The following MCTP2 variants were observed in gnomAD, a reference collection of about 807,000 sequenced individuals.
MCTP2 encodes the protein multiple C2 and transmembrane domain-containing protein 2.
MCTP2 carries 132 observed loss-of-function variants against 111.6 expected under a neutral mutation model. The observed-to-expected ratio is 1.18, with a 90% CI of 1.03 to 1.37. The LOEUF (loss-of-function observed/expected upper bound fraction) is 1.37, where lower values mean the gene tolerates loss of function less well. MCTP2 is among the 40% of genes most tolerant of loss of function. The pLI is 0.00. For missense variants in MCTP2, 1,183 were observed against 1,067.9 expected, an observed-to-expected ratio of 1.11 and a Z score of -1.50; for synonymous variants, 395 against 387.7, an observed-to-expected ratio of 1.02 and a Z score of -0.22.
intron 17 of MCTP2, among the ~76,000 whole-genome samples, chr15:94,427,370 G>C (rs2082945009): frequency 6.6e-6 from 1 of 152,180 alleles, no homozygotes; most frequent in African/African-American, 2.4e-5. Context: ...AAGAGGTTTA[G>C]TGAACTCACA....
At chr15:94,381,777 C>A (rs147316651) in intron 12 of MCTP2, among the ~76,000 whole-genome samples, 1 of 152,338 alleles carries the variant, frequency 6.6e-6, no homozygotes, top group East Asian at 1.9e-4. Flanking sequence ...TTCACAGTTG[C>A]TGAAGAGGAA....
At position 94,356,207 on chromosome 15, in the gene MCTP2, G is replaced by A. The variant is rs577503539; in HGVS notation, c.1076G>A (p.Ser359Asn). Residue 359 changes from serine (S) to asparagine (N), a missense_variant, in exon 9 of 23, where the codon AGT (serine) becomes AAT (asparagine). Ser to Asn is a conservative substitution (Grantham distance 46, BLOSUM62 1). Coordinates refer to ENST00000357742, the MANE Select transcript of MCTP2 (RefSeq NM_001385001.1). ...AACCAACTCTGGAACGGGATTATAAGTATAACTTTGTTGGAAGGGAAGAAT... is the reference window on the plus strand; with the variant it reads ...AACCAACTCTGGAACGGGATTATAAATATAACTTTGTTGGAAGGGAAGAAT... Reference protein sequence around the residue: ...KKNQLWNGIISITLLEGKNVS... With the variant: ...KKNQLWNGIINITLLEGKNVS... 6.2e-7 allele frequency: 1 copy of A among 1,613,548 alleles called. No individual in the cohort carries two copies. Among genetic ancestry groups the A allele is most frequent in the South Asian group, 1.1e-5 (1 of 91,002 alleles).
intron 20 of MCTP2, among the ~76,000 whole-genome samples, chr15:94,466,221 C>T (rs971495288): frequency 1.3e-5 from 2 of 152,008 alleles, no homozygotes; most frequent in Non-Finnish European, 2.9e-5. Context: ...TATCTGAAAT[C>T]TTTTCTTTCA....
rs957188756 is a variant in MCTP2, at chr15:94,416,402, A to G, written c.2085+14383A>G. On this transcript the variant is annotated intron_variant, in intron 17 of 22. Transcript: ENST00000357742. The stretch of plus-strand genomic sequence containing the variant: ...TGAAGACTCTGAGCAGATGACGGGA[A>G]CAATTGCTGGAGGGGGAAAACACAT... 4.6e-5 allele frequency among the ~76,000 whole-genome samples: 7 copies of G among 152,144 alleles called. No homozygotes were observed. In the South Asian group the frequency reaches 1.4e-3, roughly 32 times the overall value.
intron 4 of MCTP2, among the ~76,000 whole-genome samples, chr15:94,319,219 C>T (rs1012685996): frequency 1.3e-5 from 2 of 152,160 alleles, no homozygotes; most frequent in African/African-American, 4.8e-5. Context: ...TGAGCCTGCT[C>T]AGGGCAAGAC....
Position 94,271,133 on chromosome 15 carries a change from G to T in MCTP2, c.-65-27068G>T, listed in dbSNP as rs1596236502. On this transcript the variant is annotated intron_variant, in intron 1 of 22. Coordinates refer to ENST00000357742, the MANE Select transcript of MCTP2 (RefSeq NM_001385001.1). ...ATTTGTGTGTATGTATGTGAGACGA[G>T]AGTGTGTGTGCATAAAAAAGTTATC... is the stretch of plus-strand genomic sequence containing the variant. Among the ~76,000 whole-genome samples, 5 of 152,298 alleles carry T rather than the reference G, an allele frequency of 3.3e-5. No homozygotes were observed. The South Asian group carries it at 1.0e-3, about 32-fold the overall frequency.
chr15:94,376,922 T>TTTG (rs555124937), intron 12 of MCTP2, among the ~76,000 whole-genome samples: 1 of 152,212 alleles, frequency 6.6e-6, no homozygotes, highest in East Asian at 1.9e-4. Flanking sequence ...TGTTCATCTT[T>TTTG]TTGTTGTTGT....
chr15:94,325,317 A>G (rs1295669768), intron 4 of MCTP2, among the ~76,000 whole-genome samples: 1 of 152,174 alleles, frequency 6.6e-6, no homozygotes, highest in Non-Finnish European at 1.5e-5. Context: ...TATGCAATAA[A>G]CATTAGCTGT....
intron 1 of MCTP2, among the ~76,000 whole-genome samples, chr15:94,247,532 G>A (rs2072102687): frequency 1.3e-5 from 2 of 152,022 alleles, no homozygotes; most frequent in East Asian, 3.9e-4. Flanking sequence ...CCTGTTGATG[G>A]TGATTTTGTA....
At position 94,277,942 on chromosome 15, in the gene MCTP2, GGTA is replaced by G. The variant is rs539361876; in HGVS notation, c.-65-20255_-65-20253del. ...ATGTATGTTAAAAAGGATGGACAGA[GGTA>G]GTATATAGCAGAGGAAATCTCTATA... On this transcript the variant is annotated intron_variant, in intron 1 of 22. Transcript: ENST00000357742. Among the ~76,000 whole-genome samples, 697 of 152,176 alleles carry G rather than the reference GGTA, an allele frequency of 4.6e-3. 6 individuals carry two copies. Among genetic ancestry groups the G allele is most frequent in the African/African-American group, 0.014 (601 of 41,516 alleles).
intron 17 of MCTP2, chr15:94,402,462 A>G (rs1162932651): frequency 1.9e-6 from 3 of 1,551,576 alleles, no homozygotes; most frequent in Non-Finnish European, 2.6e-6. Context: ...CATACTGATC[A>G]TTACACATTG....
rs1273631990 is a variant in MCTP2 at position 94,367,863 on chromosome 15, CAAAG to C, written c.1488+73_1488+76del. On this transcript the variant is annotated intron_variant, in intron 11 of 22. Coordinates refer to ENST00000357742, the MANE Select transcript of MCTP2 (RefSeq NM_001385001.1). The stretch of plus-strand genomic sequence containing the variant: ...TTTTAAAACAAAGTCTTTATTGAAA[CAAAG>C]TCTCTGAATTGAAAAACTACATCAA... 3 of 1,322,620 alleles carry C rather than the reference CAAAG, an allele frequency of 2.3e-6. No individual in the cohort carries two copies. The African/African-American group carries it at 4.6e-5, about 20-fold the overall frequency. The allele number at this position is 1,322,620 out of a possible 1,614,324, so 81.9% of individuals were successfully genotyped here.
chr15:94,303,299 G>A (rs533351256), intron 2 of MCTP2, among the ~76,000 whole-genome samples: 24 of 151,870 alleles, frequency 1.6e-4, no homozygotes, highest in Non-Finnish European at 1.5e-5. Context: ...GGATTCGGAT[G>A]TTTGAGGGCA....
rs2074613338 is a variant in MCTP2 at position 94,479,376 on chromosome 15, G to A, written c.*342G>A. ...CAGGAGCCCACTTGGATTCAAGAGT[G>A]ACTTTGAACTTGTTTTCACACCTCC... is the stretch of plus-strand genomic sequence containing the variant. On this transcript the variant is annotated 3_prime_UTR_variant, in exon 23 of 23. Coordinates refer to ENST00000357742, the MANE Select transcript of MCTP2 (RefSeq NM_001385001.1). 2 of 308,448 alleles carry A rather than the reference G, an allele frequency of 6.5e-6. No homozygotes were observed. Among genetic ancestry groups the A allele is most frequent in the African/African-American group, 4.1e-5 (2 of 48,406 alleles). 19.1% of individuals were successfully genotyped at this position (308,448 alleles called of 1,614,324 possible).
intron 17 of MCTP2, among the ~76,000 whole-genome samples, chr15:94,435,629 C>CTTTTTTTTTTTTTTTTTTTT (rs202170550): frequency 4.2e-5 from 5 of 117,926 alleles, no homozygotes; most frequent in Admixed American, 8.6e-5. Context: ...TTTTTTTATT[C>CTTTTTTTTTTTTTTTTTTTT]TTTTTTTTTT....
chr15:94,277,951 T>C (rs2074297764), intron 1 of MCTP2, among the ~76,000 whole-genome samples: 1 of 152,164 alleles, frequency 6.6e-6, no homozygotes, highest in Admixed American at 6.5e-5. Context: ...AGGTAGTATA[T>C]AGCAGAGGAA....
intron 16 of MCTP2, 42 bp downstream of exon 16, chr15:94,400,037 G>A (rs376483596): frequency 8.5e-5 from 130 of 1,523,096 alleles, no homozygotes; most frequent in Admixed American, 6.4e-4. Context: ...GGTACACTCA[G>A]CACCCAGCAG....
At chr15:94,377,233 C>T (rs1056146276) in intron 12 of MCTP2, among the ~76,000 whole-genome samples, 12 of 152,136 alleles carry the variant, frequency 7.9e-5, no homozygotes, top group African/African-American at 2.4e-4. Flanking sequence ...AGCAATACTT[C>T]GTCTCTTAAA....
Position 94,252,583 on chromosome 15 carries a change from GT to G in MCTP2, c.-66+20920del, listed in dbSNP as rs138828535. 6.8e-3 allele frequency among the ~76,000 whole-genome samples: 1,041 copies of G among 152,010 alleles called. 11 individuals carry two copies. Among genetic ancestry groups the G allele is most frequent in the African/African-American group, 0.024 (984 of 41,452 alleles). On this transcript the variant is annotated intron_variant, in intron 1 of 22. Coordinates refer to ENST00000357742, the MANE Select transcript of MCTP2 (RefSeq NM_001385001.1). ...TGATCCCCTCATGAGGTGACACAGA[GT>G]GGAGAAAAATAAACCACAAATTTTT...
Sources: gnomAD v4.1 joint callset for allele counts (sites outside exome capture counted in the v4.1 genomes callset) on GRCh38, gnomAD v4.1.1 for gene constraint, MANE v1.5 for transcripts, NCBI Gene and HGNC (gene_info 2026-07-23, HGNC 2026-07-21) for gene names.